Variants in PARD3B observed in about 807,000 individuals in gnomAD.
The protein encoded by PARD3B is partitioning defective 3 homolog B.
PARD3B carries 103 observed loss-of-function variants against 130.2 expected under a neutral mutation model. That is an observed-to-expected ratio of 0.79 (90% CI 0.67 to 0.93). The LOEUF (loss-of-function observed/expected upper bound fraction) is 0.93. Ranked by LOEUF, PARD3B falls within the 40% of genes least tolerant of loss-of-function variation. PARD3B has a pLI of 0.00. For synonymous variants in PARD3B, 583 were observed against 553.2 expected (o/e 1.05, Z -0.76); for missense variants, 1,609 against 1,499.2 (o/e 1.07, Z -1.21).
intron 22 of PARD3B, among the ~76,000 whole-genome samples, chr2:205,577,131 ATTAATT>A (rs1448079841): frequency 6.6e-6 from 1 of 152,156 alleles, no homozygotes; most frequent in East Asian, 1.9e-4. Flanking sequence ...ACTTTTGTAT[ATTAATT>A]TTGTCTTCTG....
intron 15 of PARD3B, among the ~76,000 whole-genome samples, chr2:205,240,870 A>C (rs953135563): frequency 6.6e-6 from 1 of 152,218 alleles, no homozygotes; most frequent in Non-Finnish European, 1.5e-5. Flanking sequence ...AAACACTTTA[A>C]GTGATCACTA....
intron 18 of PARD3B, among the ~76,000 whole-genome samples, chr2:205,374,971 T>G (rs1020420958): frequency 6.6e-6 from 1 of 152,218 alleles, no homozygotes; most frequent in Non-Finnish European, 1.5e-5. Flanking sequence ...ATTATTATGA[T>G]ACATTTAATG....
chr2:205,522,146 ATTTTTACATTT>A (rs1350716937), intron 21 of PARD3B, among the ~76,000 whole-genome samples: 2 of 151,424 alleles, frequency 1.3e-5, no homozygotes, highest in African/African-American at 4.8e-5. Context: ...TTACTTCATT[ATTTTTACATTT>A]ATTTTTACTT....
In PARD3B at chr2:205,526,828, G is replaced by A. The variant is rs1489662884; in HGVS notation, c.3181-26496G>A. 2.0e-5 allele frequency among the ~76,000 whole-genome samples: 3 copies of A among 152,194 alleles called. No homozygotes were observed. The South Asian group carries it at 6.2e-4, about 31-fold the overall frequency. On this transcript the variant is annotated intron_variant, in intron 21 of 22. Transcript: ENST00000406610. Reference sequence around the variant, plus strand: ...ACAATTTTATTGCCTTTATTTTGCTGTTTAGAAATGGCCTCTGGGGGTGGA... The same window carrying A: ...ACAATTTTATTGCCTTTATTTTGCTATTTAGAAATGGCCTCTGGGGGTGGA...
chr2:205,032,230 G>T (rs2125364146), intron 3 of PARD3B, among the ~76,000 whole-genome samples: 1 of 152,044 alleles, frequency 6.6e-6, no homozygotes, highest in South Asian at 2.1e-4. Context: ...TAGCCTGCTG[G>T]GGTAATGTTC....
At chr2:204,993,963 T>G (rs1444402315) in intron 3 of PARD3B, among the ~76,000 whole-genome samples, 1 of 152,006 alleles carries the variant, frequency 6.6e-6, no homozygotes, top group African/African-American at 2.4e-5. Flanking sequence ...ATTTGATTCA[T>G]CTCTCTTTTT....
intron 2 of PARD3B, among the ~76,000 whole-genome samples, chr2:204,851,481 C>G (rs2044704344): frequency 6.6e-6 from 1 of 152,154 alleles, no homozygotes; most frequent in African/African-American, 2.4e-5. Flanking sequence ...AAACTAGGTT[C>G]TGAATGTAAA....
intron 2 of PARD3B, among the ~76,000 whole-genome samples, chr2:204,765,306 G>A (rs1014782685): frequency 9.2e-5 from 14 of 152,172 alleles, no homozygotes; most frequent in African/African-American, 3.4e-4. Flanking sequence ...GGAGGCCACA[G>A]TCTGAGTTTT....
intron 21 of PARD3B, among the ~76,000 whole-genome samples, chr2:205,501,834 C>A (rs192421992): frequency 1.4e-3 from 215 of 152,258 alleles, no homozygotes; most frequent in Non-Finnish European, 2.6e-3. Flanking sequence ...CTTGGGTGCT[C>A]CCTTTTTTAA....
intron 2 of PARD3B, among the ~76,000 whole-genome samples, chr2:204,817,549 G>A (rs2043189950): frequency 6.6e-6 from 1 of 152,102 alleles, no homozygotes; most frequent in African/African-American, 2.4e-5. Context: ...TTGTGTGCAT[G>A]TTAACACTAT....
intron 2 of PARD3B, among the ~76,000 whole-genome samples, chr2:204,771,364 C>T (rs2041372045): frequency 1.3e-5 from 2 of 152,060 alleles, no homozygotes; most frequent in Admixed American, 1.3e-4. Context: ...ATGGATTTGC[C>T]AGCTTTGCTT....
At chr2:205,556,412 CT>C (rs1160339772) in intron 22 of PARD3B, among the ~76,000 whole-genome samples, 2 of 152,140 alleles carry the variant, frequency 1.3e-5, no homozygotes, top group African/African-American at 4.8e-5. Context: ...TGGTCAAGTG[CT>C]TTCATGGAAC....
chr2:205,579,132 T>TGTTTATTTA (rs1246580444), intron 22 of PARD3B, among the ~76,000 whole-genome samples: 4 of 152,300 alleles, frequency 2.6e-5, no homozygotes, highest in South Asian at 4.1e-4. Context: ...GCCTTCTAAT[T>TGTTTATTTA]GTTTATTTTT....
chr2:205,436,456 G>A lies in PARD3B; in HGVS notation c.2742-3914G>A, dbSNP rs367962310. On this transcript the variant is annotated intron_variant, in intron 19 of 22. Coordinates refer to ENST00000406610, the MANE Select transcript of PARD3B (RefSeq NM_001302769.2). ...CAGCATGAGTTTGCCTGCATTTGTC[G>A]ATTACTTGATTTTCCTCCTTGAGAC... 1.2e-3 allele frequency among the ~76,000 whole-genome samples: 179 copies of A among 152,048 alleles called. 1 individual carries two copies. The highest frequency in any genetic ancestry group is 1.6e-3 in the Non-Finnish European group (109 of 67,982).
At chr2:204,936,910 C>T (rs987497385) in intron 2 of PARD3B, among the ~76,000 whole-genome samples, 2 of 152,134 alleles carry the variant, frequency 1.3e-5, no homozygotes, top group Non-Finnish European at 2.9e-5. Flanking sequence ...GACTATGTAC[C>T]AGTAAAAATA....
chr2:204,932,428 C>A (rs529367880), intron 2 of PARD3B, among the ~76,000 whole-genome samples: 2 of 152,114 alleles, frequency 1.3e-5, no homozygotes, highest in East Asian at 3.9e-4. Flanking sequence ...CAATTTATAT[C>A]CTAAAAATGT....
chr2:204,590,418 TG>T (rs2033026493), intron 1 of PARD3B, among the ~76,000 whole-genome samples: 1 of 152,226 alleles, frequency 6.6e-6, no homozygotes, highest in Non-Finnish European at 1.5e-5. Context: ...AAAGAAACGT[TG>T]GCAAGAATGC....
rs927762120 is a variant in PARD3B, at chr2:205,241,565, T to C, written c.2141-4213T>C. Among the ~76,000 whole-genome samples, 26 of 152,024 alleles carry C rather than the reference T, an allele frequency of 1.7e-4. No individual in the cohort carries two copies. The highest frequency in any genetic ancestry group is 6.3e-4 in the African/African-American group (26 of 41,414). ...GGATAAGAAAGGGAATGAAATAACC[T>C]TTAAATACAAATACTTTTTTAAAAA... On this transcript the variant is annotated intron_variant, in intron 15 of 22. Coordinates refer to ENST00000406610, the MANE Select transcript of PARD3B (RefSeq NM_001302769.2). The surrounding 1 kb of genome is among the most constrained non-coding windows in gnomAD (Gnocchi z 4.2).
chr2:205,179,851 A>G (rs2035689584), intron 13 of PARD3B, among the ~76,000 whole-genome samples: 1 of 150,518 alleles, frequency 6.6e-6, no homozygotes, highest in Non-Finnish European at 1.5e-5. Context: ...CATCCAGAAA[A>G]CAAAAAATAA....
Sources: gnomAD v4.1 joint callset for allele counts (sites outside exome capture counted in the v4.1 genomes callset) on GRCh38, gnomAD v4.1.1 for gene constraint, Gnocchi (gnomAD v3.1) non-coding constraint, MANE v1.5 for transcripts, NCBI Gene and HGNC (gene_info 2026-07-23, HGNC 2026-07-21) for gene names.